Variants in AOX1 observed in about 807,000 individuals in gnomAD.
AOX1 encodes the protein aldehyde oxidase.
In AOX1, 153 loss-of-function variants were observed where a neutral mutation model predicts 169.5. That is an observed-to-expected ratio of 0.90 (90% CI 0.79 to 1.03). The LOEUF is 1.03. AOX1 is among the 50% of genes least tolerant of loss of function. AOX1 has a pLI of 0.00. For synonymous variants in AOX1, 562 were observed against 581.9 expected (o/e 0.97, Z 0.49); for missense variants, 1,656 against 1,663.9 (o/e 1.00, Z 0.08).
At position 200,661,683 on chromosome 2, in the gene AOX1, G is replaced by C. The variant is rs766104107; in HGVS notation, c.3428+52G>C. ...ATGGAGAAGAACAGTGGTATCTTGA[G>C]GAAGAGTTTCAGTTCCCTTGCAATT... On this transcript the variant is annotated intron_variant, in intron 30 of 34. Transcript: ENST00000374700. 11 of 1,446,936 alleles carry C rather than the reference G, an allele frequency of 7.6e-6. No homozygotes were observed. In the South Asian group the frequency reaches 1.3e-4, roughly 17 times the overall value. 89.6% of individuals were successfully genotyped at this position (1,446,936 alleles called of 1,614,324 possible). A position where few individuals can be genotyped will look rare whatever the true frequency, so the allele number is the denominator to read the frequency against.
At chr2:200,593,013 T>C (rs1479957647) in intron 1 of AOX1, 133 bp from the exon 2 acceptor site, 11 of 690,148 alleles carry the variant, frequency 1.6e-5, no homozygotes, top group Admixed American at 4.6e-5. Context: ...AGCTGTTCCA[T>C]AAAGCTGAAA....
chr2:200,587,427 G>A (rs1163703570), intron 1 of AOX1, among the ~76,000 whole-genome samples: 2 of 152,282 alleles, frequency 1.3e-5, no homozygotes, highest in East Asian at 1.9e-4. Flanking sequence ...CACTTTTCCC[G>A]ACGGGCACCA....
At chr2:200,615,474 G>A (rs2034733747) in intron 15 of AOX1, among the ~76,000 whole-genome samples, 1 of 152,180 alleles carries the variant, frequency 6.6e-6, no homozygotes, top group African/African-American at 2.4e-5. Context: ...CTGGGGACCA[G>A]AATCCTTCCC....
chr2:200,670,470 T>C (rs2036006626), intron 34 of AOX1, among the ~76,000 whole-genome samples, 159 bp from the exon 35 acceptor site: 1 of 152,204 alleles, frequency 6.6e-6, no homozygotes, highest in Admixed American at 6.5e-5. Context: ...TCTCCAGTCC[T>C]CCCCTGGCTT....
intron 23 of AOX1, among the ~76,000 whole-genome samples, chr2:200,638,754 T>C (rs1020778039): frequency 6.6e-6 from 1 of 152,210 alleles, no homozygotes; most frequent in Non-Finnish European, 1.5e-5. Flanking sequence ...CAGAAATTCA[T>C]AGAAAAAAAT....
rs1203585256 is a variant in AOX1 at position 200,641,290 on chromosome 2, T to C, written c.2655+106T>C. On this transcript the variant is annotated intron_variant, in intron 24 of 34. Transcript: ENST00000374700. Reference sequence around the variant, plus strand: ...TAAGTAATATTTGATTATAAAGGTATAATGACCATCCTTGCAGGGATAGCC... The same window carrying C: ...TAAGTAATATTTGATTATAAAGGTACAATGACCATCCTTGCAGGGATAGCC... 1.9e-5 allele frequency: 15 copies of C among 784,378 alleles called. No homozygotes were observed. The Middle Eastern group carries it at 9.2e-4, about 48-fold the overall frequency. The allele number at this position is 784,378 out of a possible 1,614,324, so 48.6% of individuals were successfully genotyped here. A position where few individuals can be genotyped will look rare whatever the true frequency, so the allele number is the denominator to read the frequency against.
chr2:200,652,862 T>G (rs2035607553), intron 26 of AOX1, among the ~76,000 whole-genome samples: 2 of 152,182 alleles, frequency 1.3e-5, no homozygotes, highest in Admixed American at 1.3e-4. Flanking sequence ...GCCAGAAGTT[T>G]GAAACCAGCC....
chr2:200,609,473 T>G, intron 12 of AOX1, 59 bp downstream of exon 12: 1 of 1,407,578 alleles, frequency 7.1e-7, no homozygotes, highest in Admixed American at 1.8e-5. Flanking sequence ...TTTTTCTCTC[T>G]GGGGAGGCAG....
intron 27 of AOX1, among the ~76,000 whole-genome samples, chr2:200,657,190 A>ATATATATATATATTTTTTTTT: frequency 1.4e-4 from 9 of 62,878 alleles, no homozygotes; most frequent in African/African-American, 4.7e-4. Flanking sequence ...ATATATATAT[A>ATATATATATATATTTTTTTTT]TTTTTTTTTT....
Position 200,620,644 on chromosome 2 carries a change from A to C in AOX1, c.1705-6A>C. On this transcript the variant is annotated splice_polypyrimidine_tract_variant and splice_region_variant and intron_variant, in intron 16 of 34. Coordinates refer to ENST00000374700, the MANE Select transcript of AOX1 (RefSeq NM_001159.4). ...TAAAAGTATATTTTGGTTATTTATTAAACAGAATATAGGCCCAAAGCAGCA... is the reference window on the plus strand; with the variant it reads ...TAAAAGTATATTTTGGTTATTTATTCAACAGAATATAGGCCCAAAGCAGCA... The C allele has an allele frequency of 6.6e-7, 1 of 1,508,392 alleles. No homozygotes were observed. The highest frequency in any genetic ancestry group is 2.5e-5 in the East Asian group (1 of 39,590). The allele number at this position is 1,508,392 out of a possible 1,614,324, so 93.4% of individuals were successfully genotyped here. A position where few individuals can be genotyped will look rare whatever the true frequency, so the allele number is the denominator to read the frequency against.
chr2:200,659,310 T>A lies in AOX1; in HGVS notation c.3300+17T>A. On this transcript the variant is annotated intron_variant, in intron 28 of 34. Coordinates refer to ENST00000374700, the MANE Select transcript of AOX1 (RefSeq NM_001159.4). ...GCAGTAAAGGTAACAGTCACTGCAG[T>A]GGCGTCCAAATCATTAACTCCCTCA... 1 of 1,608,650 alleles carries A rather than the reference T, an allele frequency of 6.2e-7. No individual in the cohort carries two copies. The highest frequency in any genetic ancestry group is 8.5e-7 in the Non-Finnish European group (1 of 1,177,262).
chr2:200,634,686 C>A (rs1432343359), intron 20 of AOX1, 105 bp from the exon 21 acceptor site: 6 of 1,372,516 alleles, frequency 4.4e-6, no homozygotes, highest in African/African-American at 1.4e-5. Flanking sequence ...CTGTGCCCAG[C>A]AGAAGTACTA....
At position 200,627,363 on chromosome 2, in the gene AOX1, A is replaced by G. The variant is rs1478371343; in HGVS notation, c.2135A>G (p.Gln712Arg). 2 of 1,613,292 alleles carry G rather than the reference A, an allele frequency of 1.2e-6. No homozygotes were observed. The highest frequency in any genetic ancestry group is 1.7e-6 in the Non-Finnish European group (2 of 1,179,290). Residue 712 changes from glutamine to arginine, a missense_variant, in exon 20 of 35, where the codon CAA becomes CGA. Coordinates refer to ENST00000374700, the MANE Select transcript of AOX1 (RefSeq NM_001159.4). ...CTGTTCTCTTTCTAGGAAAGTATAC[A>G]ACACAACTCCTCCTTCAAGCCAGAA... ...PLILTIEESI[Q>R]HNSSFKPERK...
chr2:200,676,048 G>GAA (rs1335266912), downstream of AOX1, among the ~76,000 whole-genome samples: 1 of 149,536 alleles, frequency 6.7e-6, no homozygotes, highest in African/African-American at 2.4e-5. Context: ...ATGTGCATGG[G>GAA]AAAATTCTGT....
chr2:200,586,034 C>G lies in AOX1; in HGVS notation c.-75C>G, dbSNP rs1269385551. ...GCCCCACTCGGCGGGTCGGTGCCGC[C>G]GGGTCCCAGGTGCCCGCTACTTCCC... is the stretch of plus-strand genomic sequence containing the variant. On this transcript the variant is annotated 5_prime_UTR_variant, in exon 1 of 35. Transcript: ENST00000374700. 6 of 1,522,126 alleles carry G rather than the reference C, an allele frequency of 3.9e-6. No homozygotes were observed. Among genetic ancestry groups the G allele is most frequent in the African/African-American group, 2.8e-5 (2 of 72,342 alleles). 94.3% of individuals were successfully genotyped at this position (1,522,126 alleles called of 1,614,324 possible).
chr2:200,632,341 A>G (rs1326354256), intron 20 of AOX1, among the ~76,000 whole-genome samples: 3 of 150,894 alleles, frequency 2.0e-5, no homozygotes, highest in Admixed American at 6.6e-5. Flanking sequence ...TTATATACAT[A>G]TAAAATATTT....
downstream of AOX1, among the ~76,000 whole-genome samples, chr2:200,681,900 G>A (rs1357846307): frequency 6.6e-6 from 1 of 151,570 alleles, no homozygotes; most frequent in Non-Finnish European, 1.5e-5. Context: ...TTTAGAGCTA[G>A]CCAAAAGAAG....
At chr2:200,628,117 A>G (rs967684195) in intron 20 of AOX1, among the ~76,000 whole-genome samples, 3 of 152,198 alleles carry the variant, frequency 2.0e-5, no homozygotes, top group African/African-American at 7.2e-5. Context: ...TAAAACTTAC[A>G]TAAAAGTTGC....
At chr2:200,678,627 TGGA>T (rs1201367059), downstream of AOX1, 2 of 152,028 alleles carry the variant, frequency 1.3e-5, no homozygotes, top group Non-Finnish European at 1.5e-5. Context: ...AATTCCTCTG[TGGA>T]GGTCATTGAG....
Sources: allele counts gnomAD v4.1 joint callset (sites outside exome capture counted in the v4.1 genomes callset), GRCh38; gene constraint gnomAD v4.1.1; transcripts MANE v1.5; gene names NCBI Gene and HGNC (gene_info 2026-07-23, HGNC 2026-07-21).